The following PRH1 variants were observed in gnomAD, a reference collection of about 807,000 sequenced individuals.
PRH1 encodes the protein proline rich protein HaeIII subfamily 1.
A neutral mutation model predicts 7.9 loss-of-function variants in PRH1; 7 were observed. That is an observed-to-expected ratio of 0.89 (90% CI 0.50 to 1.67). PRH1 has a LOEUF of 1.67. Among genes scored for constraint, PRH1 ranks in the 40% most tolerant of loss-of-function variants. The probability of loss-of-function intolerance (pLI) is 0.00; values close to 1 mark genes in which losing one functional copy is unlikely to be tolerated. For synonymous variants in PRH1, 45 were observed against 80.8 expected (o/e 0.56, Z 2.38); for missense variants, 109 against 223.6 (o/e 0.49, Z 3.27).
intron 1 of PRH1, among the ~76,000 whole-genome samples, chr12:11,124,525 G>T (rs971669393): frequency 2.0e-5 from 3 of 152,206 alleles, no homozygotes; most frequent in Non-Finnish European, 4.4e-5. Flanking sequence ...GTTTTCTTCA[G>T]CAATGTATTT....
chr12:10,926,829 T>C (rs560760971), intron 2 of PRH1, among the ~76,000 whole-genome samples: 3 of 152,322 alleles, frequency 2.0e-5, no homozygotes, highest in South Asian at 2.1e-4. Flanking sequence ...GGATGTGTTA[T>C]GAAAGATGAA....
At chr12:10,986,289 G>A (rs868364909) in intron 1 of PRH1, 3 of 1,614,026 alleles carry the variant, frequency 1.9e-6, no homozygotes, top group Middle Eastern at 1.6e-4. Context: ...AGATATCAGG[G>A]ACAGAGTAAA....
At chr12:10,963,266 A>G (rs1457826348) in intron 2 of PRH1, among the ~76,000 whole-genome samples, 1 of 152,208 alleles carries the variant, frequency 6.6e-6, no homozygotes, top group Admixed American at 6.5e-5. Context: ...ACTTGCTATC[A>G]CTGAATATGT....
chr12:11,143,168 T>A lies in PRH1; in HGVS notation n.40-21988A>T, dbSNP rs556376173. On this transcript the variant is annotated intron_variant and non_coding_transcript_variant, in intron 1 of 1. Coordinates refer to the PRH1 transcript ENST00000541175. ...TGAAGATATAGACAGCACAATGATA[T>A]ATAAATAGTGACACAAAAAGTTAAA... 2.0e-5 allele frequency among the ~76,000 whole-genome samples: 3 copies of A among 152,090 alleles called. No homozygotes were observed. The South Asian group carries it at 6.2e-4, about 32-fold the overall frequency.
chr12:10,908,427 G>C, intron 2 of PRH1: 1 of 1,613,400 alleles, frequency 6.2e-7, no homozygotes, highest in African/African-American at 1.3e-5. Flanking sequence ...CAAAAGAAAG[G>C]CCTGTCTTAA....
chr12:10,885,531 A>T (rs562635288), upstream of PRH1, among the ~76,000 whole-genome samples: 1 of 152,290 alleles, frequency 6.6e-6, no homozygotes, highest in South Asian at 2.1e-4. Flanking sequence ...AAGCCCTGTC[A>T]GGGTCCTGGT....
chr12:11,000,778 T>C (rs1591794030), intron 1 of PRH1, among the ~76,000 whole-genome samples: 1 of 152,294 alleles, frequency 6.6e-6, no homozygotes, highest in African/African-American at 2.4e-5. Context: ...TCTTTCTTTA[T>C]AGTTGTCTTC....
intron 1 of PRH1, among the ~76,000 whole-genome samples, chr12:11,154,248 T>A (rs1163408172): frequency 6.6e-6 from 1 of 152,192 alleles, no homozygotes; most frequent in Admixed American, 6.5e-5. Context: ...TCAACTGAAA[T>A]ACATTAAAAG....
downstream of PRH1, among the ~76,000 whole-genome samples, chr12:11,120,003 G>C (rs1183123378): frequency 6.6e-6 from 1 of 152,200 alleles, no homozygotes; most frequent in Admixed American, 6.5e-5. Flanking sequence ...TATGACTATA[G>C]AAAGTTGTAA....
chr12:11,071,310 T>A (rs1944056713), intron 1 of PRH1, among the ~76,000 whole-genome samples: 1 of 151,940 alleles, frequency 6.6e-6, no homozygotes, highest in Admixed American at 6.6e-5. Context: ...TTATAATGTA[T>A]TTCTGCAAAG....
At chr12:10,972,938 C>CCCA (rs1555119339) in intron 2 of PRH1, among the ~76,000 whole-genome samples, 16 of 127,576 alleles carry the variant, frequency 1.3e-4, no homozygotes, top group African/African-American at 3.7e-4. Flanking sequence ...ACCCACCCCC[C>CCCA]CCGCCCGCCC....
intron 1 of PRH1, among the ~76,000 whole-genome samples, chr12:11,069,979 A>G (rs1371266605): frequency 6.6e-6 from 1 of 152,090 alleles, no homozygotes; most frequent in Non-Finnish European, 1.5e-5. Flanking sequence ...AGGAAAGGAC[A>G]CACATCCATA....
chr12:11,147,486 C>A (rs947717197), intron 1 of PRH1, among the ~76,000 whole-genome samples: 1 of 152,102 alleles, frequency 6.6e-6, no homozygotes, highest in Non-Finnish European at 1.5e-5. Context: ...TGACACCTGG[C>A]CAAAGAATTT....
At chr12:11,100,151 T>C (rs1206018897) in intron 1 of PRH1, among the ~76,000 whole-genome samples, 1 of 152,104 alleles carries the variant, frequency 6.6e-6, no homozygotes, top group Non-Finnish European at 1.5e-5. Flanking sequence ...AAAATTATAA[T>C]GCACACTTAG....
At chr12:11,070,770 C>CA (rs1194256415) in intron 1 of PRH1, among the ~76,000 whole-genome samples, 7 of 151,722 alleles carry the variant, frequency 4.6e-5, no homozygotes, top group African/African-American at 1.5e-4. Context: ...ACCCAAAAGA[C>CA]ACTGTGGTCC....
chr12:10,929,452 G>A, intron 2 of PRH1: 1 of 1,285,974 alleles, frequency 7.8e-7, no homozygotes, highest in Non-Finnish European at 1.1e-6. Context: ...GGACTGAAGA[G>A]TTCTCATGCC....
intron 1 of PRH1, among the ~76,000 whole-genome samples, chr12:11,140,835 T>C (rs1946682451): frequency 6.6e-6 from 1 of 152,166 alleles, no homozygotes; most frequent in African/African-American, 2.4e-5. Context: ...TTGTATAGCC[T>C]GGTGAATGGA....
rs1565725819 is a variant in PRH1 at position 11,168,287 on chromosome 12, AGAAAGAAAGAAAGAAGGAAGGAAG to A, written n.39+3111_39+3134del. Among the ~76,000 whole-genome samples, 9 of 30,530 alleles carry A rather than the reference AGAAAGAAAGAAAGAAGGAAGGAAG, an allele frequency of 2.9e-4. 3 individuals carry two copies. The highest frequency in any genetic ancestry group is 2.4e-3 in the South Asian group (3 of 1,250). The allele number at this position is 30,530 out of a possible 152,430, so 20.0% of individuals were successfully genotyped here. A position where few individuals can be genotyped will look rare whatever the true frequency, so the allele number is the denominator to read the frequency against. ...AAGAAAGAAAGAAAGAAAGAAAGAAAGAAAGAAAGAAAGAAGGAAGGAAGGAAGGAAGGAAGGAAGGAAGGAAGG... is the reference window on the plus strand; with the variant it reads ...AAGAAAGAAAGAAAGAAAGAAAGAAAGAAGGAAGGAAGGAAGGAAGGAAGG... On this transcript the variant is annotated intron_variant and non_coding_transcript_variant, in intron 1 of 1. Transcript: ENST00000541175.
chr12:11,126,145 T>C (rs117879809), intron 1 of PRH1, among the ~76,000 whole-genome samples: 2 of 152,408 alleles, frequency 1.3e-5, no homozygotes, highest in Admixed American at 6.5e-5. Context: ...TGTTACCACA[T>C]CTTGGTCATG....
Sources: gnomAD v4.1 joint callset for allele counts (sites outside exome capture counted in the v4.1 genomes callset) on GRCh38, gnomAD v4.1.1 for gene constraint, MANE v1.5 for transcripts, NCBI Gene and HGNC (gene_info 2026-07-23, HGNC 2026-07-21) for gene names.